ADCY2: variants seen among roughly 807,000 people sequenced by gnomAD.
The protein encoded by ADCY2 is adenylate cyclase type 2.
Under a neutral mutation model 125.2 loss-of-function variants are expected in ADCY2, and 31 were observed. That is an observed-to-expected ratio of 0.25 (90% confidence interval 0.19 to 0.33). ADCY2 has a LOEUF of 0.33. Among genes scored for constraint, ADCY2 ranks in the 10% least tolerant of loss-of-function variants. The pLI, the probability that ADCY2 is intolerant of heterozygous loss-of-function variation, is 1.00. For missense variants in ADCY2, 904 were observed against 1,418.2 expected (o/e 0.64, Z 5.82); for synonymous variants, 512 against 548.4 (o/e 0.93, Z 0.93).
chr5:7,690,514 C>A (rs1740670625), intron 4 of ADCY2, 177 bp from the exon 5 acceptor site: 2 of 447,124 alleles, frequency 4.5e-6, no homozygotes, highest in Admixed American at 4.1e-5. Context: ...ATGATACAGT[C>A]CGACCTTAGA....
intron 3 of ADCY2, among the ~76,000 whole-genome samples, chr5:7,622,099 T>TG (rs1296719512): frequency 6.6e-6 from 1 of 152,232 alleles, no homozygotes; most frequent in East Asian, 1.9e-4. Context: ...GGTATGATGT[T>TG]ATAAAACAAA....
At chr5:7,716,146 A>G (rs1179098100) in intron 11 of ADCY2, among the ~76,000 whole-genome samples, 2 of 152,222 alleles carry the variant, frequency 1.3e-5, no homozygotes, top group African/African-American at 2.4e-5. Context: ...AGTATCTTAT[A>G]TTATGGCTAA....
At chr5:7,630,743 A>T (rs1738285160) in intron 4 of ADCY2, among the ~76,000 whole-genome samples, 1 of 150,004 alleles carries the variant, frequency 6.7e-6, no homozygotes, top group Admixed American at 6.7e-5. Flanking sequence ...ATGTAAAGTC[A>T]TGAGGGTAGA....
chr5:7,501,491 G>A (rs910651920), intron 2 of ADCY2, among the ~76,000 whole-genome samples: 2 of 152,084 alleles, frequency 1.3e-5, no homozygotes, highest in East Asian at 3.8e-4. Flanking sequence ...TTTAAATGGT[G>A]TAATCTGGCT....
At position 7,761,148 on chromosome 5, in the gene ADCY2, C is replaced by CTTTTTTTTTTTT. The variant is rs367998018; in HGVS notation, c.2094+3570_2094+3581dup. 4.5e-4 allele frequency among the ~76,000 whole-genome samples: 40 copies of CTTTTTTTTTTTT among 88,168 alleles called. 1 individual carries two copies. Among genetic ancestry groups the CTTTTTTTTTTTT allele is most frequent in the Admixed American group, 9.0e-4 (5 of 5,532 alleles). The allele number at this position is 88,168 out of a possible 152,430, so 57.8% of individuals were successfully genotyped here. On this transcript the variant is annotated intron_variant, in intron 16 of 24. Transcript: ENST00000338316. ...ATCAAAATTTCTTTTCTTTTCTTTT[C>CTTTTTTTTTTTT]TTTTTTTTTTTTTTTTTTTGAGATG... is the stretch of plus-strand genomic sequence containing the variant.
At chr5:7,407,094 A>G (rs1218060387) in intron 1 of ADCY2, among the ~76,000 whole-genome samples, 2 of 152,208 alleles carry the variant, frequency 1.3e-5, no homozygotes, top group East Asian at 1.9e-4. Flanking sequence ...ATGAACTCCA[A>G]CAGTGGTGGA....
chr5:7,616,959 C>T (rs1737785319), intron 3 of ADCY2, among the ~76,000 whole-genome samples: 1 of 152,054 alleles, frequency 6.6e-6, no homozygotes, highest in Non-Finnish European at 1.5e-5. Context: ...CCTGTGAGGT[C>T]ACTGAATTTT....
rs1737999646 is a variant in ADCY2, at chr5:7,622,852, T to A, written c.571-3315T>A. 4.6e-5 allele frequency among the ~76,000 whole-genome samples: 7 copies of A among 152,244 alleles called. No individual in the cohort carries two copies. In the South Asian group the frequency reaches 1.5e-3, roughly 32 times the overall value. On this transcript the variant is annotated intron_variant, in intron 3 of 24. Transcript: ENST00000338316. ...GGGGAGCACCCTGAATTCAGTCTAC[T>A]GTTAGGGTTCTGCCACAGAGGGGGC... is the stretch of plus-strand genomic sequence containing the variant.
intron 22 of ADCY2, among the ~76,000 whole-genome samples, chr5:7,811,255 C>T (rs997105730): frequency 6.6e-6 from 1 of 152,168 alleles, no homozygotes; most frequent in African/African-American, 2.4e-5. Flanking sequence ...GTAATCCCAG[C>T]ATTTTGAGGG....
chr5:7,413,530 C>T (rs190336816), intron 1 of ADCY2, among the ~76,000 whole-genome samples: 1 of 152,034 alleles, frequency 6.6e-6, no homozygotes, highest in Non-Finnish European at 1.5e-5. Flanking sequence ...GATCTCCTGA[C>T]CTTGTGATCT....
chr5:7,712,716 T>C (rs1741477277), intron 10 of ADCY2, 140 bp from the exon 11 acceptor site: 1 of 649,068 alleles, frequency 1.5e-6, no homozygotes, highest in East Asian at 2.9e-5. Flanking sequence ...AAGCTCTTTT[T>C]CTCCACATGA....
At chr5:7,825,740 C>T (rs1745456338) in intron 24 of ADCY2, among the ~76,000 whole-genome samples, 2 of 152,232 alleles carry the variant, frequency 1.3e-5, no homozygotes, top group Non-Finnish European at 2.9e-5. Context: ...CTCACTGGTT[C>T]TCTGCTTTTG....
At chr5:7,658,796 C>T (rs958877783) in intron 4 of ADCY2, among the ~76,000 whole-genome samples, 3 of 152,166 alleles carry the variant, frequency 2.0e-5, no homozygotes, top group East Asian at 1.9e-4. Context: ...CATGCTGGAC[C>T]GAGGGAAGAG....
At chr5:7,540,438 T>G (rs1412006778) in intron 3 of ADCY2, among the ~76,000 whole-genome samples, 3 of 152,212 alleles carry the variant, frequency 2.0e-5, no homozygotes, top group African/African-American at 7.2e-5. Flanking sequence ...GGCTGTAAGA[T>G]TTTTATCCTT....
At chr5:7,629,092 T>A (rs1462861314) in intron 4 of ADCY2, among the ~76,000 whole-genome samples, 2 of 152,228 alleles carry the variant, frequency 1.3e-5, no homozygotes, top group African/African-American at 4.8e-5. Context: ...GGATATGTGT[T>A]GACCAGCCAG....
intron 2 of ADCY2, among the ~76,000 whole-genome samples, chr5:7,506,857 G>C (rs1743839160): frequency 8.0e-6 from 1 of 125,634 alleles, no homozygotes; most frequent in East Asian, 2.4e-4. Context: ...GCACAATCTC[G>C]GCTCACTGCA....
At chr5:7,654,337 A>G in intron 4 of ADCY2, 1 of 354,544 alleles carries the variant, frequency 2.8e-6, no homozygotes. Context: ...GCCAAGAGGG[A>G]AAACGGGATC....
In ADCY2 at chr5:7,788,423, A is replaced by G. The variant is rs143906795; in HGVS notation, c.2470-1219A>G. Among the ~76,000 whole-genome samples, 39 of 152,194 alleles carry G rather than the reference A, an allele frequency of 2.6e-4. No homozygotes were observed. The East Asian group carries it at 7.3e-3, about 29-fold the overall frequency. On this transcript the variant is annotated intron_variant, in intron 19 of 24. Coordinates refer to ENST00000338316, the MANE Select transcript of ADCY2 (RefSeq NM_020546.3). ...TCAAACTGCTGACCTCAAGTGACCC[A>G]CCCACCTTGGCCTCCCAAAGTGCTG...
chr5:7,555,577 G>A (rs1392674459), intron 3 of ADCY2, among the ~76,000 whole-genome samples: 5 of 152,094 alleles, frequency 3.3e-5, no homozygotes, highest in Non-Finnish European at 7.4e-5. Flanking sequence ...TAGTCAAAAA[G>A]CACTTTAAAT....
Sources: allele counts gnomAD v4.1 joint callset (sites outside exome capture counted in the v4.1 genomes callset), GRCh38; gene constraint gnomAD v4.1.1; transcripts MANE v1.5; gene names NCBI Gene and HGNC (gene_info 2026-07-23, HGNC 2026-07-21).